The following PPP2R3A variants were observed in gnomAD, a reference collection of about 807,000 sequenced individuals.
PPP2R3A encodes the protein protein phosphatase 2 regulatory subunit B''alpha.
Under a neutral mutation model 106.9 loss-of-function variants are expected in PPP2R3A, and 80 were observed. That is an observed-to-expected ratio of 0.75 (90% CI 0.62 to 0.90). PPP2R3A has a LOEUF of 0.90. Among genes scored for constraint, PPP2R3A ranks in the 40% least tolerant of loss-of-function variants. The pLI is 0.00. For synonymous variants in PPP2R3A, 483 were observed against 468.3 expected, an observed-to-expected ratio of 1.03 and a Z score of -0.41; for missense variants, 1,386 against 1,350.4, an observed-to-expected ratio of 1.03 and a Z score of -0.41.
At chr3:136,048,260 A>AGCATTTCC (rs1935544229) in intron 4 of PPP2R3A, among the ~76,000 whole-genome samples, 1 of 152,218 alleles carries the variant, frequency 6.6e-6, no homozygotes, top group Non-Finnish European at 1.5e-5. Flanking sequence ...AGCATTTACA[A>AGCATTTCC]ATGCCTGGTG....
chr3:136,036,295 G>A (rs1935082640), intron 3 of PPP2R3A, among the ~76,000 whole-genome samples: 1 of 152,094 alleles, frequency 6.6e-6, no homozygotes, highest in Non-Finnish European at 1.5e-5. Flanking sequence ...AAAGAACATT[G>A]TTTTGTCATA....
intron 13 of PPP2R3A, among the ~76,000 whole-genome samples, chr3:136,117,771 A>G (rs1470029255): frequency 2.0e-5 from 3 of 152,252 alleles, no homozygotes; most frequent in African/African-American, 7.2e-5. Context: ...GACCAGACAG[A>G]TTAACAGCCG....
chr3:136,011,851 A>G (rs927350618), intron 2 of PPP2R3A, among the ~76,000 whole-genome samples: 4 of 152,160 alleles, frequency 2.6e-5, no homozygotes, highest in African/African-American at 9.7e-5. Flanking sequence ...TTGGCATCCA[A>G]GAGACGTATT....
chr3:136,042,339 G>T (rs780901665), intron 4 of PPP2R3A, among the ~76,000 whole-genome samples: 1 of 152,082 alleles, frequency 6.6e-6, no homozygotes, highest in Admixed American at 6.5e-5. Context: ...GGGGCCTGTT[G>T]GGGTGGGGTG....
Position 136,001,707 on chromosome 3 carries a change from CTA to C in PPP2R3A, c.211_212del (p.Met71ValfsTer5), listed in dbSNP as rs1559861117. On this transcript the variant is annotated frameshift_variant, in exon 2 of 14. Coordinates refer to ENST00000264977, the MANE Select transcript of PPP2R3A (RefSeq NM_002718.5). LOFTEE classifies it high-confidence loss of function. ...CAGTTCAAAGATGCAGATCTGAACTCTATGTTTCTACCCCATGAAAATGGGCT... is the reference window on the plus strand; with the variant it reads ...CAGTTCAAAGATGCAGATCTGAACTCTGTTTCTACCCCATGAAAATGGGCT... 6.2e-6 allele frequency: 10 copies of C among 1,614,062 alleles called. No homozygotes were observed. Among genetic ancestry groups the C allele is most frequent in the Non-Finnish European group, 8.5e-6 (10 of 1,179,980 alleles).
intron 6 of PPP2R3A, among the ~76,000 whole-genome samples, chr3:136,072,129 G>A (rs1936452845): frequency 6.6e-6 from 1 of 151,498 alleles, no homozygotes; most frequent in South Asian, 2.1e-4. Context: ...TTTTTTGTTT[G>A]TCCATCTCCT....
chr3:136,025,749 C>G (rs1195146713), intron 2 of PPP2R3A, among the ~76,000 whole-genome samples: 1 of 151,940 alleles, frequency 6.6e-6, no homozygotes, highest in Admixed American at 6.6e-5. Flanking sequence ...TTCATAATAC[C>G]TATACAATGT....
chr3:135,990,952 TCCTGGAAG>T (rs1933134711), intron 1 of PPP2R3A, among the ~76,000 whole-genome samples: 2 of 152,098 alleles, frequency 1.3e-5, no homozygotes, highest in South Asian at 4.1e-4. Context: ...CAGCTTTGGC[TCCTGGAAG>T]CCTGTCTTCA....
intron 3 of PPP2R3A, among the ~76,000 whole-genome samples, chr3:136,031,446 CTG>C (rs1479564787): frequency 6.6e-6 from 1 of 151,804 alleles, no homozygotes; most frequent in Admixed American, 6.6e-5. Flanking sequence ...TTTTCCCACT[CTG>C]TGGGTTGTCT....
Position 136,003,462 on chromosome 3 carries a change from T to C in PPP2R3A, c.1964T>C (p.Val655Ala). Residue 655 changes from valine to alanine, a missense_variant, in exon 2 of 14, where the codon GTT becomes GCT. Coordinates refer to ENST00000264977, the MANE Select transcript of PPP2R3A (RefSeq NM_002718.5). ...GDKAKDTTSAVLIQQTPEVIK... is the reference protein window; with the variant it reads ...GDKAKDTTSAALIQQTPEVIK... ...AAAGCCAAAGATACTACTTCAGCAG[T>C]TTTGATTCAGCAGACTCCAGAGGTG... 2 of 1,612,632 alleles carry C rather than the reference T, an allele frequency of 1.2e-6. No individual in the cohort carries two copies.
At chr3:136,133,259 A>G (rs1039502686) in intron 13 of PPP2R3A, among the ~76,000 whole-genome samples, 3 of 152,184 alleles carry the variant, frequency 2.0e-5, no homozygotes, top group African/African-American at 7.2e-5. Context: ...CATTCTGATA[A>G]AGAACTCATA....
chr3:136,101,995 C>A lies in PPP2R3A; in HGVS notation c.2928-12C>A. 1 of 1,606,462 alleles carries A rather than the reference C, an allele frequency of 6.2e-7. No homozygotes were observed. The highest frequency in any genetic ancestry group is 8.5e-7 in the Non-Finnish European group (1 of 1,174,684). On this transcript the variant is annotated splice_polypyrimidine_tract_variant and intron_variant, in intron 10 of 13. Coordinates refer to ENST00000264977, the MANE Select transcript of PPP2R3A (RefSeq NM_002718.5). ...TACCAGGCCCATGATAATGATTGTC[C>A]TTATCATCTAGCATTGAGTATTGGT...
chr3:136,127,395 G>A (rs896908647), intron 13 of PPP2R3A, among the ~76,000 whole-genome samples: 1 of 152,152 alleles, frequency 6.6e-6, no homozygotes, highest in Non-Finnish European at 1.5e-5. Context: ...ATTCGATCAG[G>A]TGGAAGAAAG....
intron 1 of PPP2R3A, among the ~76,000 whole-genome samples, chr3:135,966,953 G>A (rs1470253334): frequency 6.6e-6 from 1 of 151,690 alleles, no homozygotes; most frequent in East Asian, 1.9e-4. Context: ...CAGAGCATGG[G>A]CGTCCAGTTC....
At chr3:136,035,884 C>T (rs1212840114) in intron 3 of PPP2R3A, among the ~76,000 whole-genome samples, 2 of 152,106 alleles carry the variant, frequency 1.3e-5, no homozygotes, top group African/African-American at 2.4e-5. Context: ...GGTCGTTTAA[C>T]ATAATTCTTG....
chr3:135,992,440 C>T (rs955799857), intron 1 of PPP2R3A, among the ~76,000 whole-genome samples: 1 of 152,120 alleles, frequency 6.6e-6, no homozygotes, highest in Non-Finnish European at 1.5e-5. Flanking sequence ...CTTCTTTAAC[C>T]CTTTCATCAG....
intron 10 of PPP2R3A, among the ~76,000 whole-genome samples, chr3:136,100,385 A>G (rs763148132): frequency 1.3e-4 from 19 of 151,908 alleles, no homozygotes; most frequent in Admixed American, 9.8e-4. Flanking sequence ...ATTATTAAAA[A>G]TTAGCCAGGC....
At chr3:135,985,038 C>A (rs1025940795) in intron 1 of PPP2R3A, among the ~76,000 whole-genome samples, 1 of 152,166 alleles carries the variant, frequency 6.6e-6, no homozygotes, top group Non-Finnish European at 1.5e-5. Context: ...CACCATCTCC[C>A]TCCCGCAACA....
chr3:135,974,600 A>G (rs1937359615), intron 1 of PPP2R3A, among the ~76,000 whole-genome samples: 1 of 152,150 alleles, frequency 6.6e-6, no homozygotes, highest in African/African-American at 2.4e-5. Context: ...CAAGCCAGGT[A>G]TGTTCCTTCC....
Sources: allele counts gnomAD v4.1 joint callset (sites outside exome capture counted in the v4.1 genomes callset), GRCh38; gene constraint gnomAD v4.1.1; transcripts MANE v1.5; gene names NCBI Gene and HGNC (gene_info 2026-07-23, HGNC 2026-07-21).